WDFY2: variants seen among roughly 807,000 people sequenced by gnomAD.
The protein encoded by WDFY2 is WD repeat and FYVE domain-containing protein 2.
WDFY2 carries 36 observed loss-of-function variants against 56.4 expected under a neutral mutation model. The observed-to-expected ratio is 0.64, with a 90% CI of 0.49 to 0.84. The LOEUF is 0.84. Among genes scored for constraint, WDFY2 ranks in the 40% least tolerant of loss-of-function variants. WDFY2 has a pLI of 0.00. For missense variants in WDFY2, 444 were observed against 512.2 expected, an observed-to-expected ratio of 0.87 and a Z score of 1.29; for synonymous variants, 176 against 183.7, an observed-to-expected ratio of 0.96 and a Z score of 0.34.
rs140550010 is a variant in WDFY2 at position 51,739,113 on chromosome 13, C to T, written c.663C>T (p.His221=). The T allele has an allele frequency of 1.9e-6, 3 of 1,601,954 alleles. No individual in the cohort carries two copies. Among genetic ancestry groups the T allele is most frequent in the African/African-American group, 1.3e-5 (1 of 74,572 alleles). ...QRVLFSGSSD[H]SVIMWDIGGR... Reference sequence around the variant, plus strand: ...TGTTGTTCTCAGGCAGTTCAGATCACTCTGTCATCATGTGGGACATCGGTG... The same window carrying T: ...TGTTGTTCTCAGGCAGTTCAGATCATTCTGTCATCATGTGGGACATCGGTG... The change falls in exon 7 of 12, where the codon CAC becomes CAT. Residue 221 remains histidine, a synonymous_variant. Coordinates refer to ENST00000298125, the MANE Select transcript of WDFY2 (RefSeq NM_052950.4).
Position 51,646,256 on chromosome 13 carries a change from G to A in WDFY2, c.138-14340G>A, listed in dbSNP as rs74362271. On this transcript the variant is annotated intron_variant, in intron 1 of 11. Coordinates refer to ENST00000298125, the MANE Select transcript of WDFY2 (RefSeq NM_052950.4). ...TTCTTTGTCCAGGCTGGATTCTCAC[G>A]ACTCCTGCTCGCCTTGCCTCCCTGG... Among the ~76,000 whole-genome samples, 750 of 152,292 alleles carry A rather than the reference G, an allele frequency of 4.9e-3. 4 individuals are homozygous for A. Among genetic ancestry groups the A allele is most frequent in the African/African-American group, 0.014 (590 of 41,564 alleles).
chr13:51,762,527 A>G lies in WDFY2; in HGVS notation c.*2758A>G, dbSNP rs928810767. The G allele has an allele frequency of 6.6e-6, 1 of 152,216 alleles. No homozygotes were observed. 9.4% of individuals were successfully genotyped at this position (152,216 alleles called of 1,614,324 possible). A position where few individuals can be genotyped will look rare whatever the true frequency, so the allele number is the denominator to read the frequency against. The stretch of plus-strand genomic sequence containing the variant: ...TTAGCAAACCAACTGTGTGTTTGTA[A>G]TACTGTGAATTCTTGCGTTTTGCAT... On this transcript the variant is annotated 3_prime_UTR_variant, in exon 12 of 12. Coordinates refer to ENST00000298125, the MANE Select transcript of WDFY2 (RefSeq NM_052950.4).
chr13:51,710,632 T>C (rs1369792825), intron 4 of WDFY2, among the ~76,000 whole-genome samples: 2 of 152,208 alleles, frequency 1.3e-5, no homozygotes, highest in African/African-American at 4.8e-5. Flanking sequence ...CAAGCATTCC[T>C]ATACACCAAT....
intron 2 of WDFY2, among the ~76,000 whole-genome samples, chr13:51,670,488 T>A (rs991721516): frequency 1.1e-5 from 1 of 92,022 alleles, no homozygotes; most frequent in Non-Finnish European, 2.3e-5. Context: ...TGTGCGCACA[T>A]GCACACACAC....
intron 1 of WDFY2, among the ~76,000 whole-genome samples, chr13:51,647,765 TAAA>T (rs528621325): frequency 1.1e-4 from 11 of 102,722 alleles, no homozygotes; most frequent in South Asian, 3.2e-4. Flanking sequence ...GTCTCTCTCT[TAAA>T]AAAAAAAAAA....
intron 1 of WDFY2, among the ~76,000 whole-genome samples, chr13:51,617,838 T>C (rs556124686): frequency 6.6e-6 from 1 of 152,366 alleles, no homozygotes; most frequent in East Asian, 1.9e-4. Context: ...CACACTTGTT[T>C]GATTTATTGG....
At chr13:51,617,668 G>C (rs1472313184) in intron 1 of WDFY2, among the ~76,000 whole-genome samples, 1 of 152,194 alleles carries the variant, frequency 6.6e-6, no homozygotes, top group African/African-American at 2.4e-5. Flanking sequence ...TGGAACATCT[G>C]TAAGACAAAC....
intron 9 of WDFY2, 29 bp downstream of exon 9, chr13:51,755,488 G>A: frequency 6.3e-7 from 1 of 1,596,246 alleles, no homozygotes; most frequent in Non-Finnish European, 8.6e-7. Flanking sequence ...TCATCAAAAT[G>A]TAATTATATG....
chr13:51,700,330 TAAAA>T (rs892019803), intron 3 of WDFY2, among the ~76,000 whole-genome samples: 18 of 152,060 alleles, frequency 1.2e-4, no homozygotes, highest in African/African-American at 4.3e-4. Flanking sequence ...ATAGAAATAA[TAAAA>T]AAAGAAGGAA....
At chr13:51,585,583 A>C (rs1953921455) in intron 1 of WDFY2, among the ~76,000 whole-genome samples, 1 of 152,234 alleles carries the variant, frequency 6.6e-6, no homozygotes, top group Non-Finnish European at 1.5e-5. Context: ...TTTTCGCTTT[A>C]ACTGAATTTC....
intron 6 of WDFY2, among the ~76,000 whole-genome samples, chr13:51,732,951 A>C (rs1952755532): frequency 6.6e-6 from 1 of 152,208 alleles, no homozygotes; most frequent in East Asian, 1.9e-4. Context: ...TGGAGCCCTG[A>C]TGTGCACAGA....
rs67418551 is a variant in WDFY2 at position 51,737,551 on chromosome 13, TAAA to T, written c.599-1469_599-1467del. Reference sequence around the variant, plus strand: ...CTACTGGGGCAGGAGACAATGAATTTAAAAAAAAAAAAAAAAAAAAAAAAAAAA... The same window carrying T: ...CTACTGGGGCAGGAGACAATGAATTTAAAAAAAAAAAAAAAAAAAAAAAAA... On this transcript the variant is annotated intron_variant, in intron 6 of 11. Transcript: ENST00000298125. 1.6e-3 allele frequency among the ~76,000 whole-genome samples: 85 copies of T among 53,232 alleles called. 1 individual carries two copies. Among genetic ancestry groups the T allele is most frequent in the African/African-American group, 4.0e-3 (43 of 10,880 alleles). The allele number at this position is 53,232 out of a possible 152,430, so 34.9% of individuals were successfully genotyped here.
At chr13:51,655,193 A>T (rs542412653) in intron 1 of WDFY2, among the ~76,000 whole-genome samples, 1 of 152,084 alleles carries the variant, frequency 6.6e-6, no homozygotes, top group South Asian at 2.1e-4. Context: ...GATGCCTTTT[A>T]TTTCTTTTAT....
chr13:51,702,096 G>T (rs1426974006), intron 3 of WDFY2, among the ~76,000 whole-genome samples: 1 of 152,094 alleles, frequency 6.6e-6, no homozygotes, highest in African/African-American at 2.4e-5. Flanking sequence ...CGGATCACCT[G>T]AGGTCAGGAG....
At chr13:51,636,764 G>GTA (rs1402025388) in intron 1 of WDFY2, among the ~76,000 whole-genome samples, 3 of 152,196 alleles carry the variant, frequency 2.0e-5, no homozygotes, top group Non-Finnish European at 4.4e-5. Flanking sequence ...CAGTGGAACA[G>GTA]GATAGAGTCC....
chr13:51,689,531 T>C (rs1414630778), intron 3 of WDFY2, among the ~76,000 whole-genome samples: 1 of 152,176 alleles, frequency 6.6e-6, no homozygotes, highest in Non-Finnish European at 1.5e-5. Context: ...TTCCATGTAG[T>C]ATGACATATG....
chr13:51,665,683 G>A (rs577213682), intron 2 of WDFY2, among the ~76,000 whole-genome samples: 388 of 152,204 alleles, frequency 2.5e-3, no homozygotes, highest in Non-Finnish European at 3.9e-3. Flanking sequence ...CTTCTCCCTG[G>A]GTATGGAGAA....
At chr13:51,745,800 T>C (rs1378607299) in intron 7 of WDFY2, among the ~76,000 whole-genome samples, 1 of 149,086 alleles carries the variant, frequency 6.7e-6, no homozygotes, top group African/African-American at 2.5e-5. Flanking sequence ...CCTGATTATT[T>C]ATATTGGTAC....
chr13:51,627,454 C>T (rs1032581090), intron 1 of WDFY2, among the ~76,000 whole-genome samples: 19 of 151,950 alleles, frequency 1.3e-4, no homozygotes, highest in African/African-American at 2.9e-4. Context: ...CTGCAATCTC[C>T]GCCTCCTGGG....
Sources: gnomAD v4.1 joint callset for allele counts (sites outside exome capture counted in the v4.1 genomes callset) on GRCh38, gnomAD v4.1.1 for gene constraint, MANE v1.5 for transcripts, NCBI Gene and HGNC (gene_info 2026-07-23, HGNC 2026-07-21) for gene names.